B3GAT1: variants seen among roughly 807,000 people sequenced by gnomAD.
B3GAT1 encodes the protein beta-1,3-glucuronyltransferase 1.
In B3GAT1, 11 loss-of-function variants were observed where a neutral mutation model predicts 28.4. That is an observed-to-expected ratio of 0.39 (90% CI 0.24 to 0.64). The LOEUF (loss-of-function observed/expected upper bound fraction) is 0.64. B3GAT1 is among the 30% of genes least tolerant of loss of function. The pLI is 0.50. For missense variants in B3GAT1, 375 were observed against 491.0 expected (o/e 0.76, Z 2.23); for synonymous variants, 255 against 223.1 (o/e 1.14, Z -1.27).
intron 1 of B3GAT1, among the ~76,000 whole-genome samples, chr11:134,404,014 T>TAC (rs1944677606): frequency 5.9e-5 from 7 of 118,206 alleles, no homozygotes; most frequent in African/African-American, 2.4e-4. Context: ...TATATATATA[T>TAC]ATATATATAT....
intron 1 of B3GAT1, among the ~76,000 whole-genome samples, chr11:134,409,057 T>C (rs536769346): frequency 6.6e-6 from 1 of 152,182 alleles, no homozygotes; most frequent in Non-Finnish European, 1.5e-5. Flanking sequence ...GGGGTGAGGG[T>C]GTATAAAATA....
intron 2 of B3GAT1, chr11:134,385,513 G>C (rs1379525796): frequency 2.0e-5 from 3 of 152,372 alleles, no homozygotes; most frequent in East Asian, 1.9e-4. Context: ...CTGCTTAGAG[G>C]AGTCTGGGGT....
rs182284340 is a variant in B3GAT1 at position 134,410,630 on chromosome 11, C to T, written c.-282+1177G>A. ...CTGAGCAGACTCTGGGAGGAAATGT[C>T]TCAGTCTCTGCAGTGGCTACCAGCA... is the stretch of plus-strand genomic sequence containing the variant. On this transcript the variant is annotated intron_variant, in intron 1 of 5. Coordinates refer to ENST00000312527, the MANE Select transcript of B3GAT1 (RefSeq NM_054025.3). 3.5e-3 allele frequency among the ~76,000 whole-genome samples: 538 copies of T among 152,314 alleles called. 2 individuals carry two copies. The highest frequency in any genetic ancestry group is 0.012 in the African/African-American group (516 of 41,562).
Position 134,394,290 on chromosome 11 carries a change from G to A in B3GAT1, c.-281-6350C>T, listed in dbSNP as rs151196552. Among the ~76,000 whole-genome samples the A allele has an allele frequency of 4.1e-4, 63 of 152,308 alleles. No homozygotes were observed. In the East Asian group the frequency reaches 9.5e-3, roughly 23 times the overall value. ...ATGTTCAGAGCAGCCACAGCATGAGGCAGACACACAGATCTCGTCCCCATT... is the reference window on the plus strand; with the variant it reads ...ATGTTCAGAGCAGCCACAGCATGAGACAGACACACAGATCTCGTCCCCATT... On this transcript the variant is annotated intron_variant, in intron 1 of 5. Coordinates refer to ENST00000312527, the MANE Select transcript of B3GAT1 (RefSeq NM_054025.3).
intron 4 of B3GAT1, 33 bp from the exon 5 acceptor site, chr11:134,382,057 C>T: frequency 6.2e-7 from 1 of 1,602,534 alleles, no homozygotes. Context: ...CATGGTGGGA[C>T]AGGCCCCTGA....
chr11:134,403,899 G>A (rs1331538128), intron 1 of B3GAT1, among the ~76,000 whole-genome samples: 1 of 149,122 alleles, frequency 6.7e-6, no homozygotes, highest in African/African-American at 2.5e-5. Context: ...AAAATTCATA[G>A]AGACAGAAAC....
chr11:134,410,094 C>T lies in B3GAT1; in HGVS notation c.-282+1713G>A, dbSNP rs190314322. ...AGAACCTTCAGGTCTCCCCAGAAGC[C>T]GAAGCTGAGGAACTGGGCTTGCCCC... On this transcript the variant is annotated intron_variant, in intron 1 of 5. Transcript: ENST00000312527. Among the ~76,000 whole-genome samples, 12 of 152,296 alleles carry T rather than the reference C, an allele frequency of 7.9e-5. No homozygotes were observed. In the East Asian group the frequency reaches 1.7e-3, roughly 22 times the overall value.
In B3GAT1 at chr11:134,387,870, C is replaced by T. The variant is rs1272694610; in HGVS notation, c.-211G>A. ...CATTGCGGAAGCAGGTTTGGAGAGT[C>T]CGGCCCAACTGGAGTCTGAGAAGGG... On this transcript the variant is annotated 5_prime_UTR_variant, in exon 2 of 6. Coordinates refer to ENST00000312527, the MANE Select transcript of B3GAT1 (RefSeq NM_054025.3). 6.6e-7 allele frequency: 1 copy of T among 1,522,404 alleles called. No individual in the cohort carries two copies. Among genetic ancestry groups the T allele is most frequent in the Non-Finnish European group, 8.8e-7 (1 of 1,138,406 alleles). The allele number at this position is 1,522,404 out of a possible 1,614,324, so 94.3% of individuals were successfully genotyped here.
chr11:134,400,901 A>G (rs1944600963), intron 1 of B3GAT1, among the ~76,000 whole-genome samples: 2 of 152,266 alleles, frequency 1.3e-5, no homozygotes, highest in East Asian at 3.8e-4. Context: ...ATTTAAATGC[A>G]AAGAACAAAT....
At chr11:134,406,088 C>G (rs1565460381) in intron 1 of B3GAT1, among the ~76,000 whole-genome samples, 1 of 152,240 alleles carries the variant, frequency 6.6e-6, no homozygotes, top group African/African-American at 2.4e-5. Context: ...CAGCTGGGAC[C>G]AGCGCCCGGG....
At chr11:134,385,543 C>T (rs75529061) in intron 2 of B3GAT1, 9 of 151,802 alleles carry the variant, frequency 5.9e-5, no homozygotes, top group African/African-American at 1.5e-4. Context: ...AGAAGAGCAA[C>T]GTGGAAGAAA....
Position 134,379,074 on chromosome 11 carries a change from T to C in B3GAT1, c.*1688A>G, listed in dbSNP as rs1381503394. The C allele has an allele frequency of 6.6e-6, 1 of 152,206 alleles. No homozygotes were observed. Among genetic ancestry groups the C allele is most frequent in the East Asian group, 1.9e-4 (1 of 5,184 alleles). 9.4% of individuals were successfully genotyped at this position (152,206 alleles called of 1,614,324 possible). ...CAAGGGCTTGGTTTCCAAAGTGACA[T>C]CCAGGGTGTAAGAGGTTGGGGAAAA... On this transcript the variant is annotated 3_prime_UTR_variant, in exon 6 of 6. Coordinates refer to ENST00000312527, the MANE Select transcript of B3GAT1 (RefSeq NM_054025.3).
In B3GAT1 at chr11:134,384,098, C is replaced by T. The variant is rs773485236; in HGVS notation, c.203G>A (p.Arg68His). The stretch of plus-strand genomic sequence containing the variant: ...GGGCCGCGTGTACACGTACTCGGTG[C>T]GCACCACCTCCACGATGTCGCGGTC... ...TSDRDIVEVVRTEYVYTRPPP... is the reference protein window; with the variant it reads ...TSDRDIVEVVHTEYVYTRPPP... Residue 68 changes from arginine (R) to histidine (H), a missense_variant, in exon 3 of 6, where the codon CGC becomes CAC. Arg to His is a conservative substitution (Grantham distance 29). Coordinates refer to ENST00000312527, the MANE Select transcript of B3GAT1 (RefSeq NM_054025.3). 2.5e-6 allele frequency: 4 copies of T among 1,592,448 alleles called. No homozygotes were observed. Among genetic ancestry groups the T allele is most frequent in the East Asian group, 4.5e-5 (2 of 44,444 alleles).
At chr11:134,385,889 C>T (rs1443514995) in intron 2 of B3GAT1, 1 of 152,238 alleles carries the variant, frequency 6.6e-6, no homozygotes, top group African/African-American at 2.4e-5. Flanking sequence ...GACAGAATGC[C>T]AAGTCCCCAG....
intron 1 of B3GAT1, among the ~76,000 whole-genome samples, chr11:134,407,431 G>T (rs1302537117): frequency 6.6e-6 from 1 of 152,242 alleles, no homozygotes; most frequent in Non-Finnish European, 1.5e-5. Context: ...CTTCCTGTGA[G>T]CAGAGAGCTG....
intron 3 of B3GAT1, 39 bp from the exon 4 acceptor site, chr11:134,383,045 C>T: frequency 6.7e-7 from 1 of 1,501,146 alleles, no homozygotes; most frequent in Non-Finnish European, 8.9e-7. Context: ...GCCGGCACTG[C>T]AGATGAGGAC....
In B3GAT1 at chr11:134,393,128, G is replaced by A. The variant is rs950807000; in HGVS notation, c.-281-5188C>T. Among the ~76,000 whole-genome samples the A allele has an allele frequency of 3.9e-5, 6 of 152,160 alleles. No homozygotes were observed. The highest frequency in any genetic ancestry group is 9.7e-5 in the African/African-American group (4 of 41,418). Reference sequence around the variant, plus strand: ...TTACAAACAAGCTCAGACACTGTCCGAGGTACTCATCCCTGGAGGACGAGA... The same window carrying A: ...TTACAAACAAGCTCAGACACTGTCCAAGGTACTCATCCCTGGAGGACGAGA... On this transcript the variant is annotated intron_variant, in intron 1 of 5. Transcript: ENST00000312527. The surrounding 1 kb of genome is among the most constrained non-coding windows in gnomAD (Gnocchi z 4.0).
At chr11:134,384,248 G>A (rs748418876) in intron 2 of B3GAT1, 60 bp from the exon 3 acceptor site, 2 of 1,486,328 alleles carry the variant, frequency 1.3e-6, no homozygotes, top group Admixed American at 2.2e-5. Context: ...CCTGGATTCA[G>A]AGCGGGACGC....
At position 134,382,653 on chromosome 11, in the gene B3GAT1, G is replaced by T. The variant is rs1591632243; in HGVS notation, c.918+57C>A. The T allele has an allele frequency of 5.7e-6, 9 of 1,565,704 alleles. No homozygotes were observed. The East Asian group carries it at 2.0e-4, about 35-fold the overall frequency. On this transcript the variant is annotated intron_variant, in intron 4 of 5. Coordinates refer to ENST00000312527, the MANE Select transcript of B3GAT1 (RefSeq NM_054025.3). ...TTTCCTTCTCCCGATCTGTAGGGAG[G>T]GTCTGGATGTACTTGAGACATTGCA...
Sources: allele counts gnomAD v4.1 joint callset (sites outside exome capture counted in the v4.1 genomes callset), GRCh38; gene constraint gnomAD v4.1.1; non-coding constraint Gnocchi (gnomAD v3.1); transcripts MANE v1.5; gene names NCBI Gene and HGNC (gene_info 2026-07-23, HGNC 2026-07-21).